The following TRIO variants were observed in gnomAD, a reference collection of about 807,000 sequenced individuals.
TRIO encodes the protein trio Rho guanine nucleotide exchange factor, also known as triple functional domain protein.
A neutral mutation model predicts 351.9 loss-of-function variants in TRIO; 58 were observed. The ratio of observed to expected loss-of-function variants is 0.16; its 90% CI spans 0.13 to 0.21. The LOEUF is 0.21. Ranked by LOEUF, TRIO falls within the 10% of genes least tolerant of loss-of-function variation. TRIO has a pLI of 1.00. For synonymous variants in TRIO, 1,758 were observed against 1,595.7 expected (o/e 1.10, Z -2.42); for missense variants, 3,201 against 4,027.8 (o/e 0.79, Z 5.56).
chr5:14,344,535 CAAATT>C (rs1742243572), intron 11 of TRIO, among the ~76,000 whole-genome samples: 1 of 152,152 alleles, frequency 6.6e-6, no homozygotes, highest in African/African-American at 2.4e-5. Context: ...GAAAGTGAGA[CAAATT>C]AAATTACACG....
intron 34 of TRIO, among the ~76,000 whole-genome samples, chr5:14,442,175 C>T (rs147555500): frequency 6.6e-6 from 1 of 152,346 alleles, no homozygotes; most frequent in African/African-American, 2.4e-5. Flanking sequence ...CAGGAATGCT[C>T]TCTACCAGAA....
intron 11 of TRIO, among the ~76,000 whole-genome samples, chr5:14,338,620 G>C (rs1741646668): frequency 6.6e-6 from 1 of 152,240 alleles, no homozygotes; most frequent in African/African-American, 2.4e-5. Flanking sequence ...GACATTGACA[G>C]AACATGGGCC....
At chr5:14,201,942 G>A (rs2152174284) in intron 1 of TRIO, among the ~76,000 whole-genome samples, 1 of 135,784 alleles carries the variant, frequency 7.4e-6, no homozygotes, top group East Asian at 2.3e-4. Flanking sequence ...CACAGAAAGG[G>A]GAACATCACA....
chr5:14,384,197 C>T (rs1205562301), intron 21 of TRIO, among the ~76,000 whole-genome samples: 2 of 152,198 alleles, frequency 1.3e-5, no homozygotes, highest in Non-Finnish European at 2.9e-5. Context: ...GATTTTTGCA[C>T]ACACTGAGGT....
intron 1 of TRIO, among the ~76,000 whole-genome samples, chr5:14,206,139 G>A (rs1383358832): frequency 2.0e-5 from 3 of 152,138 alleles, no homozygotes; most frequent in African/African-American, 7.2e-5. Context: ...TCAGCTCACT[G>A]CAACCTCTTC....
intron 4 of TRIO, 110 bp downstream of exon 4, chr5:14,287,173 G>A: frequency 1.9e-6 from 2 of 1,049,012 alleles, no homozygotes; most frequent in Middle Eastern, 2.1e-4. Flanking sequence ...AACAGGAGCT[G>A]CATATCTTAC....
At chr5:14,331,449 C>T (rs991369790) in intron 10 of TRIO, among the ~76,000 whole-genome samples, 1 of 152,156 alleles carries the variant, frequency 6.6e-6, no homozygotes, top group Non-Finnish European at 1.5e-5. Context: ...TAGTCAACTT[C>T]TTTAAACTAG....
intron 53 of TRIO, among the ~76,000 whole-genome samples, chr5:14,499,577 T>C (rs1757132095): frequency 6.6e-6 from 1 of 152,204 alleles, no homozygotes; most frequent in African/African-American, 2.4e-5. Flanking sequence ...TTCCTGTTTT[T>C]AACAACATTA....
intron 8 of TRIO, among the ~76,000 whole-genome samples, chr5:14,310,793 C>A (rs1346765819): frequency 6.6e-6 from 1 of 152,188 alleles, no homozygotes; most frequent in African/African-American, 2.4e-5. Context: ...TCAAGCGATT[C>A]TTGTGTCTTA....
At chr5:14,255,986 AAAAT>A in intron 1 of TRIO, among the ~76,000 whole-genome samples, 1 of 152,360 alleles carries the variant, frequency 6.6e-6, no homozygotes, top group South Asian at 2.1e-4. Flanking sequence ...ACTGTAAAGA[AAAAT>A]AAGGACTGAA....
chr5:14,316,436 A>G (rs1739387308), intron 8 of TRIO, 77 bp from the exon 9 acceptor site: 1 of 1,456,502 alleles, frequency 6.9e-7, no homozygotes, highest in Non-Finnish European at 9.5e-7. Flanking sequence ...ACACACATGT[A>G]TCCAAGGACA....
At chr5:14,183,265 G>C (rs1206213486) in intron 1 of TRIO, among the ~76,000 whole-genome samples, 3 of 152,130 alleles carry the variant, frequency 2.0e-5, no homozygotes, top group Non-Finnish European at 2.9e-5. Context: ...TCTGTGGGAC[G>C]TATGTTGTGC....
intron 34 of TRIO, among the ~76,000 whole-genome samples, chr5:14,445,484 T>C (rs754787964): frequency 1.3e-5 from 2 of 152,232 alleles, no homozygotes; most frequent in Non-Finnish European, 2.9e-5. Context: ...GATGCTTCTT[T>C]TGTTGATACT....
intron 21 of TRIO, among the ~76,000 whole-genome samples, chr5:14,381,947 C>G (rs183870731): frequency 6.6e-6 from 1 of 152,176 alleles, no homozygotes; most frequent in African/African-American, 2.4e-5. Flanking sequence ...AGGCTTATAC[C>G]TGCAGAGGCT....
intron 3 of TRIO, among the ~76,000 whole-genome samples, chr5:14,280,671 G>C (rs1735915135): frequency 6.6e-6 from 1 of 152,148 alleles, no homozygotes; most frequent in African/African-American, 2.4e-5. Flanking sequence ...CAGTGGATCT[G>C]GGATACTCAG....
Position 14,344,832 on chromosome 5 carries a change from C to T in TRIO, c.2046+8105C>T, listed in dbSNP as rs549315202. On this transcript the variant is annotated intron_variant, in intron 11 of 56. Coordinates refer to ENST00000344204, the MANE Select transcript of TRIO (RefSeq NM_007118.4). ...TTCGTGGGATATACACAACTCTGTC[C>T]ATCTCCAGCTGCTGGCCCTCAGAGC... is the stretch of plus-strand genomic sequence containing the variant. 2.6e-5 allele frequency among the ~76,000 whole-genome samples: 4 copies of T among 152,304 alleles called. No homozygotes were observed. In the East Asian group the frequency reaches 7.7e-4, roughly 29 times the overall value.
intron 34 of TRIO, among the ~76,000 whole-genome samples, chr5:14,443,117 GTT>G (rs1752191491): frequency 6.6e-6 from 1 of 152,000 alleles, no homozygotes; most frequent in African/African-American, 2.4e-5. Context: ...TAATTGTGCT[GTT>G]ACATTTTTTG....
At chr5:14,187,164 T>C (rs1396224641) in intron 1 of TRIO, among the ~76,000 whole-genome samples, 2 of 152,214 alleles carry the variant, frequency 1.3e-5, no homozygotes, top group Non-Finnish European at 2.9e-5. Flanking sequence ...ACGTGTCTAA[T>C]TATAGTGTCA....
chr5:14,285,934 C>T (rs550032418), intron 3 of TRIO, among the ~76,000 whole-genome samples: 1 of 152,304 alleles, frequency 6.6e-6, no homozygotes, highest in Non-Finnish European at 1.5e-5. Context: ...TCGGAAGCTT[C>T]TATCACTGAA....
Sources: gnomAD v4.1 joint callset for allele counts (sites outside exome capture counted in the v4.1 genomes callset) on GRCh38, gnomAD v4.1.1 for gene constraint, MANE v1.5 for transcripts, NCBI Gene and HGNC (gene_info 2026-07-23, HGNC 2026-07-21) for gene names.